Variants in EYA4 observed in about 807,000 individuals in gnomAD.
EYA4 encodes protein phosphatase EYA4.
Under a neutral mutation model 87.9 loss-of-function variants are expected in EYA4, and 31 were observed. The ratio of observed to expected loss-of-function variants is 0.35; its 90% CI spans 0.27 to 0.48. EYA4 has a LOEUF of 0.48. EYA4 is among the 20% of genes least tolerant of loss of function. The pLI is 0.99. For missense variants in EYA4, 678 were observed against 761.4 expected (o/e 0.89, Z 1.29); for synonymous variants, 263 against 270.6 (o/e 0.97, Z 0.28).
At chr6:133,482,621 C>T (rs771023156) in intron 12 of EYA4, among the ~76,000 whole-genome samples, 2 of 152,166 alleles carry the variant, frequency 1.3e-5, no homozygotes, top group Non-Finnish European at 2.9e-5. Context: ...TTCTGTTTAG[C>T]GGTTACTCAT....
chr6:133,391,222 G>GTTTT (rs531819011), intron 3 of EYA4, among the ~76,000 whole-genome samples: 2 of 89,830 alleles, frequency 2.2e-5, no homozygotes, highest in African/African-American at 3.3e-5. Flanking sequence ...TTTTGTTTTT[G>GTTTT]TTTTTTTTTT....
At chr6:133,473,682 C>T (rs910910919) in intron 11 of EYA4, among the ~76,000 whole-genome samples, 15 of 151,880 alleles carry the variant, frequency 9.9e-5, no homozygotes, top group African/African-American at 2.9e-4. Context: ...TACCTGTGGG[C>T]ACACAGCCCC....
At chr6:133,428,908 CTTCTTTTTT>C (rs1790916210) in intron 3 of EYA4, among the ~76,000 whole-genome samples, 2 of 33,494 alleles carry the variant, frequency 6.0e-5, no homozygotes, top group African/African-American at 1.3e-4. Flanking sequence ...GTAGATTTAG[CTTCTTTTTT>C]TTTTTTTTTT....
At chr6:133,426,262 G>A (rs1004320157) in intron 3 of EYA4, among the ~76,000 whole-genome samples, 8 of 152,304 alleles carry the variant, frequency 5.3e-5, no homozygotes, top group Admixed American at 2.0e-4. Flanking sequence ...AAGTACAAGA[G>A]CAGTTACCTA....
chr6:133,456,661 G>C lies in EYA4; in HGVS notation c.370+13G>C, dbSNP rs1793933302. ...TTTACTGGGTCAGGTAAAGCCTTTA[G>C]CTCGTGTGTCCTTACGTACACATGG... On this transcript the variant is annotated intron_variant, in intron 6 of 19. Transcript: ENST00000355286. The C allele has an allele frequency of 6.4e-7, 1 of 1,567,636 alleles. No individual in the cohort carries two copies. The highest frequency in any genetic ancestry group is 2.2e-5 in the East Asian group (1 of 44,624).
chr6:133,506,276 G>T (rs1798613197), intron 14 of EYA4, 81 bp downstream of exon 14: 2 of 774,092 alleles, frequency 2.6e-6, no homozygotes, highest in Non-Finnish European at 4.4e-6. Flanking sequence ...ATAACCTCGA[G>T]AAAACAGAAA....
intron 1 of EYA4, among the ~76,000 whole-genome samples, chr6:133,262,888 G>T (rs1419061909): frequency 2.0e-5 from 3 of 152,208 alleles, no homozygotes; most frequent in Non-Finnish European, 4.4e-5. Context: ...TATTCATCCA[G>T]ATCTGTTTCT....
At chr6:133,484,581 G>T (rs1184726891) in intron 13 of EYA4, among the ~76,000 whole-genome samples, 2 of 152,188 alleles carry the variant, frequency 1.3e-5, no homozygotes, top group Non-Finnish European at 2.9e-5. Context: ...GAAATTTGGA[G>T]TACACACTCA....
In EYA4 at chr6:133,529,873, C is replaced by T. The variant is rs1405357828; in HGVS notation, c.*1068C>T. ...AACTTGCACAGTTTTGAGGTTGAGA[C>T]TTTTGATATGTGTAAGTTGCATAGA... On this transcript the variant is annotated 3_prime_UTR_variant, in exon 20 of 20. Transcript: ENST00000355286. 1.0e-6 allele frequency: 1 copy of T among 985,336 alleles called. No homozygotes were observed. Among genetic ancestry groups the T allele is most frequent in the Middle Eastern group, 5.2e-4 (1 of 1,914 alleles). The allele number at this position is 985,336 out of a possible 1,614,324, so 61.0% of individuals were successfully genotyped here. A position where few individuals can be genotyped will look rare whatever the true frequency, so the allele number is the denominator to read the frequency against.
rs1392830385 is a variant in EYA4 at position 133,446,735 on chromosome 6, T to TAAA, written c.190_191insAAA (p.Val63_Thr64insLys). ...AATCTAATCTCAGCAGCACATCAGTTACTACAAATGGGACAGGAGGTAAGT... is the reference window on the plus strand; with the variant it reads ...AATCTAATCTCAGCAGCACATCAGTTAAAACTACAAATGGGACAGGAGGTAAGT... On this transcript the variant is annotated inframe_insertion, in exon 4 of 20. Transcript: ENST00000355286. 3 of 1,613,982 alleles carry TAAA rather than the reference T, an allele frequency of 1.9e-6. No individual in the cohort carries two copies. The East Asian group carries it at 6.7e-5, about 36-fold the overall frequency.
intron 2 of EYA4, among the ~76,000 whole-genome samples, chr6:133,319,508 TC>T (rs1421895253): frequency 8.3e-6 from 1 of 120,278 alleles, no homozygotes; most frequent in East Asian, 2.2e-4. Flanking sequence ...TTGGATAGTG[TC>T]CCTTTTTTTT....
intron 13 of EYA4, among the ~76,000 whole-genome samples, chr6:133,486,041 T>C (rs1312480689): frequency 2.0e-5 from 3 of 152,212 alleles, no homozygotes; most frequent in Admixed American, 6.5e-5. Context: ...ATCTGTAAAA[T>C]GGGAATAACA....
intron 2 of EYA4, among the ~76,000 whole-genome samples, chr6:133,339,421 A>G (rs1440536397): frequency 1.3e-5 from 2 of 152,190 alleles, no homozygotes; most frequent in Non-Finnish European, 2.9e-5. Flanking sequence ...GTCAGACTGT[A>G]TGGATAGAGG....
chr6:133,518,010 A>G (rs1425136671), intron 17 of EYA4, among the ~76,000 whole-genome samples: 1 of 152,186 alleles, frequency 6.6e-6, no homozygotes, highest in East Asian at 1.9e-4. Context: ...AAATGTCTAA[A>G]CCAGTTGAAA....
At chr6:133,370,402 G>C (rs928836820) in intron 2 of EYA4, among the ~76,000 whole-genome samples, 3 of 152,154 alleles carry the variant, frequency 2.0e-5, no homozygotes, top group Non-Finnish European at 4.4e-5. Context: ...TGTTAAAATA[G>C]GTTGTTTAGA....
rs537231527 is a variant in EYA4, at chr6:133,477,983, A to C, written c.971-3480A>C. Among the ~76,000 whole-genome samples, 5 of 152,268 alleles carry C rather than the reference A, an allele frequency of 3.3e-5. No homozygotes were observed. The South Asian group carries it at 1.0e-3, about 32-fold the overall frequency. The stretch of plus-strand genomic sequence containing the variant: ...TTAAAAAGAAGATATCAAATGAGCA[A>C]GAAACATGAAAAAGTATTCTTCATA... On this transcript the variant is annotated intron_variant, in intron 11 of 19. Coordinates refer to ENST00000355286, the MANE Select transcript of EYA4 (RefSeq NM_004100.5).
At chr6:133,290,945 A>T (rs577991941) in intron 2 of EYA4, among the ~76,000 whole-genome samples, 2 of 152,336 alleles carry the variant, frequency 1.3e-5, no homozygotes, top group Non-Finnish European at 2.9e-5. Flanking sequence ...ATATATAAAG[A>T]TTAATGAAAT....
At chr6:133,376,081 A>G (rs1267380462) in intron 2 of EYA4, among the ~76,000 whole-genome samples, 1 of 151,894 alleles carries the variant, frequency 6.6e-6, no homozygotes, top group African/African-American at 2.4e-5. Context: ...CGACAAGTCT[A>G]AATTGTTGTT....
chr6:133,377,079 G>A (rs211605), intron 2 of EYA4, among the ~76,000 whole-genome samples: 103,206 of 151,686 alleles, frequency 0.68, 36,983 homozygotes, highest in Non-Finnish European at 0.8. Context: ...TTTCTTGTAT[G>A]TCTCCTCCAC....
Sources: allele counts gnomAD v4.1 joint callset (sites outside exome capture counted in the v4.1 genomes callset), GRCh38; gene constraint gnomAD v4.1.1; transcripts MANE v1.5; gene names NCBI Gene and HGNC (gene_info 2026-07-23, HGNC 2026-07-21).